The following NRXN3 variants were observed in gnomAD, a reference collection of about 807,000 sequenced individuals.
The protein encoded by NRXN3 is neurexin III.
A neutral mutation model predicts 137.6 loss-of-function variants in NRXN3; 32 were observed. That is an observed-to-expected ratio of 0.23 (90% CI 0.18 to 0.31). The LOEUF (loss-of-function observed/expected upper bound fraction) is 0.31, where lower values mean the gene tolerates loss of function less well. Ranked by LOEUF, NRXN3 falls within the 10% of genes least tolerant of loss-of-function variation. NRXN3 has a pLI of 1.00. For missense variants in NRXN3, 1,574 were observed against 2,062.5 expected (o/e 0.76, Z 4.59); for synonymous variants, 798 against 784.5 (o/e 1.02, Z -0.29).
chr14:79,650,096 T>G (rs896539168), intron 16 of NRXN3, among the ~76,000 whole-genome samples: 1 of 151,966 alleles, frequency 6.6e-6, no homozygotes. Context: ...AGCTGGTGTC[T>G]GCTGCAGATT....
At position 78,820,313 on chromosome 14, in the gene NRXN3, T is replaced by C. The variant is rs145966202; in HGVS notation, c.2275+9969T>C. On this transcript the variant is annotated intron_variant, in intron 10 of 20. Coordinates refer to ENST00000335750, the MANE Select transcript of NRXN3 (RefSeq NM_001330195.2). Reference sequence around the variant, plus strand: ...GATAATATAATTTGAATTCTGGAGTTTCCAGAATAATTAGCCACAAAATGA... The same window carrying C: ...GATAATATAATTTGAATTCTGGAGTCTCCAGAATAATTAGCCACAAAATGA... Among the ~76,000 whole-genome samples, 447 of 149,780 alleles carry C rather than the reference T, an allele frequency of 3.0e-3. 1 individual carries two copies. The highest frequency in any genetic ancestry group is 0.011 in the African/African-American group (435 of 41,182).
chr14:79,755,290 TTTG>T (rs767696867), intron 19 of NRXN3, among the ~76,000 whole-genome samples: 49 of 152,292 alleles, frequency 3.2e-4, no homozygotes, highest in Non-Finnish European at 6.0e-4. Flanking sequence ...ATTTGTATAT[TTTG>T]TTGTATTATT....
At chr14:78,274,487 C>G (rs1596630811) in intron 2 of NRXN3, among the ~76,000 whole-genome samples, 1 of 152,164 alleles carries the variant, frequency 6.6e-6, no homozygotes, top group South Asian at 2.1e-4. Context: ...CCCACTGGGT[C>G]CCTCCCATGA....
intron 15 of NRXN3, among the ~76,000 whole-genome samples, chr14:79,428,216 T>C (rs2095687611): frequency 6.6e-6 from 1 of 152,200 alleles, no homozygotes; most frequent in East Asian, 1.9e-4. Context: ...TTGTTGAACA[T>C]TTTATCAAGG....
chr14:79,467,530 A>C, intron 16 of NRXN3, 128 bp downstream of exon 16: 1 of 806,510 alleles, frequency 1.2e-6, no homozygotes, highest in Non-Finnish European at 1.8e-6. Flanking sequence ...AATTGTTTTC[A>C]GATGTGAACC....
chr14:78,425,720 C>A lies in NRXN3; in HGVS notation c.757+127860C>A, dbSNP rs1050381282. 1.2e-4 allele frequency among the ~76,000 whole-genome samples: 18 copies of A among 152,214 alleles called. No individual in the cohort carries two copies. The East Asian group carries it at 3.3e-3, about 28-fold the overall frequency. ...GCCCTCAGAATAATATATTTTCTAC[C>A]CCTTCCCCCACCCACTCTTGGCTCC... On this transcript the variant is annotated intron_variant, in intron 4 of 20. Coordinates refer to ENST00000335750, the MANE Select transcript of NRXN3 (RefSeq NM_001330195.2).
intron 10 of NRXN3, among the ~76,000 whole-genome samples, chr14:78,869,573 A>T (rs1413213181): frequency 6.6e-6 from 1 of 152,134 alleles, no homozygotes; most frequent in Non-Finnish European, 1.5e-5. Context: ...TTGTGGTTTC[A>T]AAAATATTGC....
intron 4 of NRXN3, among the ~76,000 whole-genome samples, chr14:78,343,159 G>A (rs754529658): frequency 4.6e-5 from 7 of 152,142 alleles, no homozygotes; most frequent in Non-Finnish European, 7.3e-5. Context: ...ATAATGAAAA[G>A]AGCTTGGGGT....
chr14:79,380,861 A>G lies in NRXN3; in HGVS notation c.3263-86360A>G, dbSNP rs552035655. Among the ~76,000 whole-genome samples the G allele has an allele frequency of 2.6e-5, 4 of 152,192 alleles. No individual in the cohort carries two copies. In the East Asian group the frequency reaches 7.8e-4, roughly 30 times the overall value. The stretch of plus-strand genomic sequence containing the variant: ...CGATTCCTCAGGGATCTAGAACTAG[A>G]CCTAGATATACTTCTAACATAATCT... On this transcript the variant is annotated intron_variant, in intron 15 of 20. Coordinates refer to ENST00000335750, the MANE Select transcript of NRXN3 (RefSeq NM_001330195.2).
At chr14:78,423,838 A>T (rs1046375048) in intron 4 of NRXN3, among the ~76,000 whole-genome samples, 1 of 152,224 alleles carries the variant, frequency 6.6e-6, no homozygotes, top group East Asian at 1.9e-4. Flanking sequence ...GCAAGGGTTT[A>T]TAGTATTATT....
intron 2 of NRXN3, among the ~76,000 whole-genome samples, chr14:78,253,428 C>A (rs536418451): frequency 1.4e-4 from 21 of 152,114 alleles, no homozygotes; most frequent in Non-Finnish European, 2.5e-4. Flanking sequence ...AATCCCAGTA[C>A]TTTGGGAGGC....
chr14:79,466,787 C>T (rs2096432071), intron 15 of NRXN3, among the ~76,000 whole-genome samples: 1 of 152,090 alleles, frequency 6.6e-6, no homozygotes, highest in Non-Finnish European at 1.5e-5. Flanking sequence ...TTGTAAGGCT[C>T]CTGGCTCCAC....
chr14:79,201,806 C>A (rs1421449648), intron 15 of NRXN3, among the ~76,000 whole-genome samples: 1 of 152,220 alleles, frequency 6.6e-6, no homozygotes, highest in Non-Finnish European at 1.5e-5. Context: ...GTTTACATAG[C>A]ATTGACCTTT....
At chr14:78,292,300 G>A (rs2075879826) in intron 3 of NRXN3, among the ~76,000 whole-genome samples, 1 of 152,182 alleles carries the variant, frequency 6.6e-6, no homozygotes, top group Non-Finnish European at 1.5e-5. Flanking sequence ...ATAGTTTAGA[G>A]GGCCTTACGT....
intron 10 of NRXN3, among the ~76,000 whole-genome samples, chr14:78,900,327 C>A (rs1054988766): frequency 6.6e-6 from 1 of 151,934 alleles, no homozygotes; most frequent in Non-Finnish European, 1.5e-5. Context: ...CCTTTGGAGC[C>A]TTTAGCAGCT....
intron 1 of NRXN3, among the ~76,000 whole-genome samples, chr14:78,206,932 T>C (rs2062246681): frequency 6.6e-6 from 1 of 152,042 alleles, no homozygotes; most frequent in Non-Finnish European, 1.5e-5. Flanking sequence ...GGTGAGATCT[T>C]GGCTCACTGC....
At chr14:78,448,850 C>G (rs1359653822) in intron 4 of NRXN3, among the ~76,000 whole-genome samples, 1 of 152,126 alleles carries the variant, frequency 6.6e-6, no homozygotes, top group African/African-American at 2.4e-5. Context: ...TGACCCCAGT[C>G]TTCAGCCTGA....
At chr14:79,376,552 C>T (rs2094308290) in intron 15 of NRXN3, among the ~76,000 whole-genome samples, 1 of 152,018 alleles carries the variant, frequency 6.6e-6, no homozygotes, top group Admixed American at 6.6e-5. Flanking sequence ...AAACAGTTCC[C>T]TTTGAAGGGA....
At chr14:79,125,000 T>C (rs1002249450) in intron 15 of NRXN3, among the ~76,000 whole-genome samples, 1 of 152,246 alleles carries the variant, frequency 6.6e-6, no homozygotes, top group Admixed American at 6.5e-5. Flanking sequence ...AATGTTTTTG[T>C]ATATTTGTTT....
Sources: gnomAD v4.1 joint callset for allele counts (sites outside exome capture counted in the v4.1 genomes callset) on GRCh38, gnomAD v4.1.1 for gene constraint, MANE v1.5 for transcripts, NCBI Gene and HGNC (gene_info 2026-07-23, HGNC 2026-07-21) for gene names.